FBXL17: variants seen among roughly 807,000 people sequenced by gnomAD.
FBXL17 encodes F-box/LRR-repeat protein 17.
A neutral mutation model predicts 66.2 loss-of-function variants in FBXL17; 22 were observed. The observed-to-expected ratio is 0.33, with a 90% CI of 0.24 to 0.47. The LOEUF (loss-of-function observed/expected upper bound fraction) is 0.47. Among genes scored for constraint, FBXL17 ranks in the 20% least tolerant of loss-of-function variants. The pLI, the probability that FBXL17 is intolerant of heterozygous loss-of-function variation, is 1.00. For missense variants in FBXL17, 878 were observed against 948.2 expected, an observed-to-expected ratio of 0.93 and a Z score of 0.97; for synonymous variants, 474 against 400.5, an observed-to-expected ratio of 1.18 and a Z score of -2.19.
chr5:108,316,752 T>C (rs1449815283), intron 4 of FBXL17, among the ~76,000 whole-genome samples: 1 of 151,192 alleles, frequency 6.6e-6, no homozygotes, highest in Non-Finnish European at 1.5e-5. Flanking sequence ...GATAACAGCA[T>C]ACTAAAATAA....
At chr5:108,130,951 C>T (rs1750910480) in intron 6 of FBXL17, among the ~76,000 whole-genome samples, 1 of 151,868 alleles carries the variant, frequency 6.6e-6, no homozygotes, top group African/African-American at 2.4e-5. Flanking sequence ...TTTTTCATTG[C>T]TCTGAATTTT....
intron 6 of FBXL17, among the ~76,000 whole-genome samples, chr5:108,171,227 A>C (rs1352133689): frequency 2.0e-5 from 3 of 152,160 alleles, no homozygotes; most frequent in African/African-American, 7.2e-5. Context: ...CTTTATTGTA[A>C]TGTTATTAGC....
chr5:108,225,759 CTT>C (rs1561475271), intron 4 of FBXL17, among the ~76,000 whole-genome samples: 2 of 152,208 alleles, frequency 1.3e-5, no homozygotes, highest in Non-Finnish European at 1.5e-5. Context: ...TCCACTCTCT[CTT>C]GATCTCATAG....
intron 6 of FBXL17, among the ~76,000 whole-genome samples, chr5:108,047,940 A>G (rs1344352511): frequency 6.6e-6 from 1 of 152,230 alleles, no homozygotes; most frequent in Middle Eastern, 3.2e-3. Context: ...ACCAAGGAAC[A>G]GTCAAAGTGC....
chr5:108,354,327 G>A (rs1161130392), intron 3 of FBXL17, among the ~76,000 whole-genome samples: 3 of 152,116 alleles, frequency 2.0e-5, no homozygotes, highest in Non-Finnish European at 4.4e-5. Context: ...AATGGGAAAA[G>A]TAGGCAACAC....
intron 8 of FBXL17, chr5:107,878,974 GCTAAAACC>G (rs929078617): frequency 1.0e-6 from 1 of 985,324 alleles, no homozygotes; most frequent in African/African-American, 1.7e-5. Context: ...CAGGAAAAGG[GCTAAAACC>G]CTCAGGGATA....
intron 6 of FBXL17, among the ~76,000 whole-genome samples, chr5:108,104,636 A>T (rs1490738746): frequency 1.3e-5 from 2 of 152,246 alleles, no homozygotes; most frequent in Non-Finnish European, 1.5e-5. Context: ...ACTAATCCAC[A>T]TAAAAACATT....
chr5:108,233,790 C>T (rs928170281), intron 4 of FBXL17, among the ~76,000 whole-genome samples: 4 of 152,182 alleles, frequency 2.6e-5, no homozygotes, highest in African/African-American at 9.7e-5. Flanking sequence ...AATGTCAACA[C>T]ACATCAAGAT....
At chr5:108,097,744 A>G (rs1749434912) in intron 6 of FBXL17, among the ~76,000 whole-genome samples, 2 of 151,264 alleles carry the variant, frequency 1.3e-5, no homozygotes, top group South Asian at 4.2e-4. Context: ...AGAAAAGATC[A>G]TGCCACCGTA....
intron 7 of FBXL17, among the ~76,000 whole-genome samples, chr5:107,945,035 A>T (rs1048794265): frequency 3.3e-5 from 5 of 151,658 alleles, no homozygotes; most frequent in African/African-American, 1.2e-4. Flanking sequence ...AAAGATTAGC[A>T]TCCAGACTGT....
At chr5:108,284,933 A>G (rs1026006301) in intron 4 of FBXL17, among the ~76,000 whole-genome samples, 2 of 151,890 alleles carry the variant, frequency 1.3e-5, no homozygotes, top group African/African-American at 4.8e-5. Context: ...CTGTTTGATC[A>G]TATTTTACCC....
At chr5:108,027,357 C>G (rs1186410768) in intron 6 of FBXL17, among the ~76,000 whole-genome samples, 1 of 152,098 alleles carries the variant, frequency 6.6e-6, no homozygotes, top group Non-Finnish European at 1.5e-5. Context: ...TTTAATATTT[C>G]AGATCTACTT....
At chr5:108,112,476 C>T (rs1317670619) in intron 6 of FBXL17, among the ~76,000 whole-genome samples, 1 of 152,152 alleles carries the variant, frequency 6.6e-6, no homozygotes, top group Non-Finnish European at 1.5e-5. Flanking sequence ...TTTAATTCTT[C>T]CCAGAACAAG....
At chr5:108,193,122 C>T (rs1161653086) in intron 5 of FBXL17, among the ~76,000 whole-genome samples, 1 of 152,096 alleles carries the variant, frequency 6.6e-6, no homozygotes, top group Non-Finnish European at 1.5e-5. Flanking sequence ...CTTTATTGGA[C>T]CAGGTTTCTA....
chr5:108,079,563 C>T (rs1748686356), intron 6 of FBXL17, among the ~76,000 whole-genome samples: 1 of 151,980 alleles, frequency 6.6e-6, no homozygotes, highest in African/African-American at 2.4e-5. Flanking sequence ...ATACAAGGAC[C>T]AGAAGAAGTA....
intron 4 of FBXL17, among the ~76,000 whole-genome samples, chr5:108,308,605 A>G (rs1327933782): frequency 6.6e-6 from 1 of 152,132 alleles, no homozygotes; most frequent in Non-Finnish European, 1.5e-5. Flanking sequence ...TGAATTAGCG[A>G]TTATTCCACA....
chr5:107,974,216 G>A (rs978510876), intron 7 of FBXL17, among the ~76,000 whole-genome samples: 3 of 152,206 alleles, frequency 2.0e-5, no homozygotes, highest in South Asian at 2.1e-4. Flanking sequence ...AATATAAGAA[G>A]TTAAAGATAG....
intron 7 of FBXL17, among the ~76,000 whole-genome samples, chr5:108,001,103 A>G (rs1753703635): frequency 6.6e-6 from 1 of 152,202 alleles, no homozygotes; most frequent in Non-Finnish European, 1.5e-5. Flanking sequence ...TCAAAGCCCT[A>G]AATAACCTAA....
At chr5:108,150,067 T>G (rs1751710733) in intron 6 of FBXL17, among the ~76,000 whole-genome samples, 1 of 152,138 alleles carries the variant, frequency 6.6e-6, no homozygotes, top group South Asian at 2.1e-4. Flanking sequence ...GCTTCATTGC[T>G]CTCTCTCATC....
Sources: gnomAD v4.1 joint callset for allele counts (sites outside exome capture counted in the v4.1 genomes callset) on GRCh38, gnomAD v4.1.1 for gene constraint, MANE v1.5 for transcripts, NCBI Gene and HGNC (gene_info 2026-07-23, HGNC 2026-07-21) for gene names.